GPC5: variants seen among roughly 807,000 people sequenced by gnomAD.
GPC5 encodes glypican 5, also known as glypican-5.
In GPC5, 47 loss-of-function variants were observed where a neutral mutation model predicts 53.9. That is an observed-to-expected ratio of 0.87 (90% CI 0.69 to 1.11). GPC5 has a LOEUF of 1.11. GPC5 is among the 50% of genes most tolerant of loss of function. GPC5 has a pLI of 0.00. For synonymous variants in GPC5, 286 were observed against 263.3 expected, an observed-to-expected ratio of 1.09 and a Z score of -0.84; for missense variants, 748 against 713.1, an observed-to-expected ratio of 1.05 and a Z score of -0.56.
intron 7 of GPC5, among the ~76,000 whole-genome samples, chr13:92,752,474 TG>T (rs1265454343): frequency 6.6e-6 from 1 of 151,980 alleles, no homozygotes; most frequent in East Asian, 1.9e-4. Flanking sequence ...ATTTTCTGGA[TG>T]GGGGGAGGAG....
At chr13:92,583,928 T>G (rs1594322513) in intron 7 of GPC5, among the ~76,000 whole-genome samples, 1 of 152,176 alleles carries the variant, frequency 6.6e-6, no homozygotes, top group Admixed American at 6.6e-5. Flanking sequence ...CTCTGCCTGC[T>G]GCCATCCACG....
intron 7 of GPC5, among the ~76,000 whole-genome samples, chr13:92,265,656 C>T (rs1175727908): frequency 6.6e-6 from 1 of 152,112 alleles, no homozygotes; most frequent in African/African-American, 2.4e-5. Flanking sequence ...GAAATAGAGG[C>T]TTTTTGCAGC....
chr13:92,752,313 G>A (rs1190081165), intron 7 of GPC5, among the ~76,000 whole-genome samples: 1 of 152,128 alleles, frequency 6.6e-6, no homozygotes, highest in East Asian at 1.9e-4. Flanking sequence ...GATCCCTGGG[G>A]GACAAAATGC....
rs1029572864 is a variant in GPC5 at position 92,751,021 on chromosome 13, T to C, written c.1562-115261T>C. Among the ~76,000 whole-genome samples, 5 of 152,114 alleles carry C rather than the reference T, an allele frequency of 3.3e-5. No individual in the cohort carries two copies. In the East Asian group the frequency reaches 7.7e-4, roughly 23 times the overall value. On this transcript the variant is annotated intron_variant, in intron 7 of 7. Transcript: ENST00000377067. ...CCATTGTTTAAAATAGGCATGCTTG[T>C]AGTATAAAACAGCACCTCTAGTGTA... is the stretch of plus-strand genomic sequence containing the variant.
At chr13:91,940,219 C>T (rs1368433093) in intron 6 of GPC5, among the ~76,000 whole-genome samples, 2 of 152,082 alleles carry the variant, frequency 1.3e-5, no homozygotes, top group African/African-American at 4.8e-5. Flanking sequence ...TGTTTAGCTC[C>T]CACTTACAAG....
chr13:92,438,509 G>C (rs1470622491), intron 7 of GPC5, among the ~76,000 whole-genome samples: 1 of 151,718 alleles, frequency 6.6e-6, no homozygotes, highest in Admixed American at 6.6e-5. Flanking sequence ...TGCATTGAGG[G>C]AGAGAAGAGC....
At chr13:91,537,421 A>G (rs1349845724) in intron 2 of GPC5, among the ~76,000 whole-genome samples, 2 of 152,232 alleles carry the variant, frequency 1.3e-5, no homozygotes, top group Non-Finnish European at 2.9e-5. Context: ...AACAGATTAC[A>G]TAAGTGGGTG....
chr13:92,715,869 A>G (rs1446825650), intron 7 of GPC5, among the ~76,000 whole-genome samples: 1 of 152,170 alleles, frequency 6.6e-6, no homozygotes, highest in Non-Finnish European at 1.5e-5. Flanking sequence ...CTCACCTACA[A>G]TCTAAACTTG....
At chr13:92,245,165 C>T (rs2042641386) in intron 7 of GPC5, among the ~76,000 whole-genome samples, 1 of 152,086 alleles carries the variant, frequency 6.6e-6, no homozygotes, top group African/African-American at 2.4e-5. Flanking sequence ...CTACTTCCAC[C>T]TTAAGGTCTT....
intron 4 of GPC5, among the ~76,000 whole-genome samples, chr13:91,753,831 G>A (rs1462787657): frequency 6.6e-6 from 1 of 151,990 alleles, no homozygotes; most frequent in Non-Finnish European, 1.5e-5. Context: ...GCCTTGTTTT[G>A]TAAATATCTT....
intron 6 of GPC5, among the ~76,000 whole-genome samples, chr13:92,106,875 A>C (rs777448676): frequency 3.3e-5 from 5 of 152,100 alleles, no homozygotes; most frequent in Non-Finnish European, 7.4e-5. Context: ...ATCACCTTGC[A>C]ACAGATGACT....
chr13:92,528,616 C>T (rs1331799775), intron 7 of GPC5, among the ~76,000 whole-genome samples: 1 of 151,922 alleles, frequency 6.6e-6, no homozygotes, highest in Non-Finnish European at 1.5e-5. Flanking sequence ...CTATTAAAAT[C>T]TTAAATTAAC....
intron 2 of GPC5, among the ~76,000 whole-genome samples, chr13:91,638,612 C>A (rs566497705): frequency 6.6e-6 from 1 of 152,094 alleles, no homozygotes. Flanking sequence ...GTGATCTGCC[C>A]GCCTCAGCCT....
intron 5 of GPC5, among the ~76,000 whole-genome samples, chr13:91,890,100 TC>T (rs2138966603): frequency 6.6e-6 from 1 of 152,308 alleles, no homozygotes; most frequent in East Asian, 1.9e-4. Context: ...GACATAGTTA[TC>T]CTTGATTACA....
chr13:92,489,876 G>GAA (rs5805749), intron 7 of GPC5, among the ~76,000 whole-genome samples: 127 of 147,814 alleles, frequency 8.6e-4, no homozygotes, highest in Admixed American at 2.0e-3. Context: ...ATTGCAAACA[G>GAA]AAAAAAAAAA....
chr13:91,828,560 T>A lies in GPC5; in HGVS notation c.1280+72140T>A, dbSNP rs181635151. 2.6e-5 allele frequency among the ~76,000 whole-genome samples: 4 copies of A among 152,142 alleles called. No homozygotes were observed. The East Asian group carries it at 7.7e-4, about 29-fold the overall frequency. On this transcript the variant is annotated intron_variant, in intron 5 of 7. Coordinates refer to ENST00000377067, the MANE Select transcript of GPC5 (RefSeq NM_004466.6). ...AAATAATGAGGACTCCTTGGATAAA[T>A]GGATGGTTCCAGGGCCTGGGTAGGG...
intron 7 of GPC5, among the ~76,000 whole-genome samples, chr13:92,756,110 C>T (rs1217235242): frequency 6.6e-6 from 1 of 151,658 alleles, no homozygotes. Flanking sequence ...AATCCAGCAG[C>T]ACATCAAAAA....
intron 2 of GPC5, among the ~76,000 whole-genome samples, chr13:91,656,943 G>A (rs1245191691): frequency 6.6e-6 from 1 of 152,270 alleles, no homozygotes; most frequent in South Asian, 2.1e-4. Context: ...ATACAGTTTA[G>A]CAAAAAGGAA....
intron 7 of GPC5, among the ~76,000 whole-genome samples, chr13:92,319,639 G>C (rs1449826335): frequency 6.6e-6 from 1 of 152,028 alleles, no homozygotes; most frequent in Non-Finnish European, 1.5e-5. Context: ...TTACTCTAGT[G>C]ATAATTGATT....
Sources: gnomAD v4.1 joint callset for allele counts (sites outside exome capture counted in the v4.1 genomes callset) on GRCh38, gnomAD v4.1.1 for gene constraint, MANE v1.5 for transcripts, NCBI Gene and HGNC (gene_info 2026-07-23, HGNC 2026-07-21) for gene names.